The following KCNB2 variants were observed in gnomAD, a reference collection of about 807,000 sequenced individuals.
KCNB2 encodes the protein potassium voltage-gated channel subfamily B member 2.
KCNB2 carries 15 observed loss-of-function variants against 61.5 expected under a neutral mutation model. That is an observed-to-expected ratio of 0.24 (90% CI 0.16 to 0.38). The LOEUF (loss-of-function observed/expected upper bound fraction) is 0.38, where lower values mean the gene tolerates loss of function less well. Ranked by LOEUF, KCNB2 falls within the 10% of genes least tolerant of loss-of-function variation. The pLI is 1.00. For missense variants in KCNB2, 828 were observed against 1,125.2 expected (o/e 0.74, Z 3.78); for synonymous variants, 457 against 446.0 (o/e 1.02, Z -0.31).
At chr8:72,584,867 T>A (rs1343927607) in intron 2 of KCNB2, among the ~76,000 whole-genome samples, 2 of 151,868 alleles carry the variant, frequency 1.3e-5, no homozygotes, top group East Asian at 3.9e-4. Context: ...AAAAAAAAAA[T>A]CAGAAACCCT....
intron 2 of KCNB2, among the ~76,000 whole-genome samples, chr8:72,789,650 C>T (rs1008425151): frequency 5.9e-5 from 9 of 152,082 alleles, no homozygotes; most frequent in African/African-American, 9.7e-5. Context: ...GCTTTATCCT[C>T]AAGACATCAG....
intron 2 of KCNB2, among the ~76,000 whole-genome samples, chr8:72,646,296 T>C (rs1806127752): frequency 6.6e-6 from 1 of 152,190 alleles, no homozygotes; most frequent in Non-Finnish European, 1.5e-5. Context: ...ATTTAGTGCT[T>C]AACATTTTAT....
intron 2 of KCNB2, among the ~76,000 whole-genome samples, chr8:72,893,462 A>C (rs1805934750): frequency 6.6e-6 from 1 of 152,176 alleles, no homozygotes; most frequent in South Asian, 2.1e-4. Context: ...ATGTTTAGTA[A>C]GCAAAATTAA....
intron 2 of KCNB2, among the ~76,000 whole-genome samples, chr8:72,933,560 A>G (rs541643527): frequency 6.6e-6 from 1 of 152,362 alleles, no homozygotes; most frequent in African/African-American, 2.4e-5. Context: ...CCAAAGATGT[A>G]TTAGCAACAG....
chr8:72,859,214 CAG>C (rs1185832693), intron 2 of KCNB2, among the ~76,000 whole-genome samples: 1 of 152,102 alleles, frequency 6.6e-6, no homozygotes, highest in Non-Finnish European at 1.5e-5. Flanking sequence ...TGGCATCTCA[CAG>C]ATGGGGAAAC....
At chr8:72,912,092 A>T (rs1021032156) in intron 2 of KCNB2, among the ~76,000 whole-genome samples, 17 of 152,134 alleles carry the variant, frequency 1.1e-4, no homozygotes, top group African/African-American at 4.1e-4. Flanking sequence ...TGTTTAAAAA[A>T]CCAGGCTAGC....
rs540790694 is a variant in KCNB2, at chr8:72,719,766, TA to T, written c.579+151461del. On this transcript the variant is annotated intron_variant, in intron 2 of 2. Coordinates refer to ENST00000523207, the MANE Select transcript of KCNB2 (RefSeq NM_004770.3). ...TGGCACTTGCAGTACTTTAGTGGCT[TA>T]AAAAAAATAAAACAAAACAAAAGAA... 2.7e-3 allele frequency among the ~76,000 whole-genome samples: 414 copies of T among 151,480 alleles called. 3 individuals carry two copies. The highest frequency in any genetic ancestry group is 9.6e-3 in the African/African-American group (394 of 41,208).
At chr8:72,776,274 A>T (rs1296820807) in intron 2 of KCNB2, among the ~76,000 whole-genome samples, 7 of 150,998 alleles carry the variant, frequency 4.6e-5, no homozygotes, top group African/African-American at 1.7e-4. Context: ...GGGAGGAGGG[A>T]TAGCATTAGG....
chr8:72,596,018 G>A (rs1022144900), intron 2 of KCNB2, among the ~76,000 whole-genome samples: 6 of 152,100 alleles, frequency 3.9e-5, no homozygotes, highest in Non-Finnish European at 8.8e-5. Context: ...TGTCTACCAT[G>A]TTCACCACCG....
chr8:72,833,973 A>G (rs1454642545), intron 2 of KCNB2, among the ~76,000 whole-genome samples: 1 of 152,232 alleles, frequency 6.6e-6, no homozygotes, highest in East Asian at 1.9e-4. Context: ...CCCAAGTGAC[A>G]GCAGTGATAT....
intron 2 of KCNB2, among the ~76,000 whole-genome samples, chr8:72,740,044 C>A (rs1249208430): frequency 1.3e-5 from 2 of 152,270 alleles, no homozygotes; most frequent in Non-Finnish European, 2.9e-5. Context: ...AAATACTCTT[C>A]TGAGAGTTTC....
At chr8:72,625,489 G>T (rs1356914757) in intron 2 of KCNB2, among the ~76,000 whole-genome samples, 2 of 152,058 alleles carry the variant, frequency 1.3e-5, no homozygotes, top group East Asian at 3.9e-4. Context: ...GGAGTGCAGT[G>T]GCGCAATCAC....
chr8:72,923,038 A>T (rs1806554950), intron 2 of KCNB2, among the ~76,000 whole-genome samples: 1 of 150,948 alleles, frequency 6.6e-6, no homozygotes, highest in Non-Finnish European at 1.5e-5. Context: ...GGGTGGGGGG[A>T]GCTTCCAGGT....
intron 2 of KCNB2, among the ~76,000 whole-genome samples, chr8:72,924,349 C>T (rs1471615944): frequency 1.7e-4 from 15 of 89,906 alleles, no homozygotes; most frequent in Admixed American, 1.4e-3. Context: ...TATGGGAGAA[C>T]CTCCAATTCT....
chr8:72,760,122 G>T (rs1437204027), intron 2 of KCNB2, among the ~76,000 whole-genome samples: 3 of 152,208 alleles, frequency 2.0e-5, no homozygotes, highest in East Asian at 3.9e-4. Context: ...ACAAGTTGTT[G>T]TAAGGACAAG....
At chr8:72,837,683 G>A (rs964288133) in intron 2 of KCNB2, among the ~76,000 whole-genome samples, 18 of 152,094 alleles carry the variant, frequency 1.2e-4, no homozygotes, top group Non-Finnish European at 1.6e-4. Context: ...AAATATTGTT[G>A]AGCCAATTAA....
intron 2 of KCNB2, among the ~76,000 whole-genome samples, chr8:72,850,464 T>C (rs557107724): frequency 1.3e-5 from 2 of 152,254 alleles, no homozygotes; most frequent in African/African-American, 4.8e-5. Context: ...TAAGTGATCC[T>C]CCTGCCTTGG....
intron 2 of KCNB2, among the ~76,000 whole-genome samples, chr8:72,820,936 CA>C (rs1809487520): frequency 6.6e-6 from 1 of 152,178 alleles, no homozygotes; most frequent in African/African-American, 2.4e-5. Flanking sequence ...TATTTTCATA[CA>C]AACCAAACAC....
rs538447208 is a variant in KCNB2 at position 72,871,757 on chromosome 8, G to T, written c.580-64178G>T. On this transcript the variant is annotated intron_variant, in intron 2 of 2. Transcript: ENST00000523207. ...ATTAAAAAGGGCTTTCAAGGTATAT[G>T]ATTTAAATGGATAAATTGCCAACTG... 2.6e-3 allele frequency among the ~76,000 whole-genome samples: 399 copies of T among 152,280 alleles called. 4 individuals are homozygous for T. Among genetic ancestry groups the T allele is most frequent in the African/African-American group, 9.0e-3 (375 of 41,540 alleles).
Sources: allele counts gnomAD v4.1 joint callset (sites outside exome capture counted in the v4.1 genomes callset), GRCh38; gene constraint gnomAD v4.1.1; transcripts MANE v1.5; gene names NCBI Gene and HGNC (gene_info 2026-07-23, HGNC 2026-07-21).